The following NSF variants were observed in gnomAD, a reference collection of about 807,000 sequenced individuals.
The protein encoded by NSF is vesicle-fusing ATPase.
In NSF, 14 loss-of-function variants were observed where a neutral mutation model predicts 50.3. The ratio of observed to expected loss-of-function variants is 0.28; its 90% CI spans 0.18 to 0.44. The LOEUF (loss-of-function observed/expected upper bound fraction) is 0.44, where lower values mean the gene tolerates loss of function less well. Among genes scored for constraint, NSF ranks in the 20% least tolerant of loss-of-function variants. NSF has a pLI of 1.00. For missense variants in NSF, 218 were observed against 504.3 expected (o/e 0.43, Z 5.44); for synonymous variants, 109 against 175.7 (o/e 0.62, Z 3.00).
chr17:46,727,885 C>T (rs775773496), intron 16 of NSF, among the ~76,000 whole-genome samples: 15 of 152,226 alleles, frequency 9.9e-5, no homozygotes, highest in Non-Finnish European at 2.1e-4. Context: ...AGCCCTTCCT[C>T]CTCTGGTAGA....
intron 15 of NSF, among the ~76,000 whole-genome samples, chr17:46,724,826 TTTC>T (rs1422296436): frequency 7.2e-5 from 11 of 152,276 alleles, no homozygotes; most frequent in African/African-American, 2.6e-4. Context: ...TAGGCCTTTT[TTTC>T]TTCTTCTTCT....
At position 46,713,929 on chromosome 17, in the gene NSF, T is replaced by C; in HGVS notation, c.1704T>C (p.Cys568=). Residue 568 remains cysteine, a synonymous_variant, in exon 15 of 21, where the codon TGT becomes TGC. Transcript: ENST00000398238. Reference sequence around the variant, plus strand: ...CCAACTTCCCGTTCATCAAGATCTGTTCTCCTGATAAAATGATTGGCTTTT... The same window carrying C: ...CCAACTTCCCGTTCATCAAGATCTGCTCTCCTGATAAAATGATTGGCTTTT... The part of the protein sequence containing the change: ...EESNFPFIKI[C]SPDKMIGFSE... 1 of 1,611,480 alleles carries C rather than the reference T, an allele frequency of 6.2e-7. No homozygotes were observed. Among genetic ancestry groups the C allele is most frequent in the Non-Finnish European group, 8.5e-7 (1 of 1,179,392 alleles).
chr17:46,716,927 A>G (rs553840065), intron 15 of NSF, among the ~76,000 whole-genome samples: 1 of 152,352 alleles, frequency 6.6e-6, no homozygotes, highest in South Asian at 2.1e-4. Context: ...TCTGAACATT[A>G]TTTTAAATTA....
At chr17:46,635,777 ATG>A (rs148930686) in intron 4 of NSF, among the ~76,000 whole-genome samples, 4,286 of 116,754 alleles carry the variant, frequency 0.037, 461 homozygotes, top group African/African-American at 0.13. Context: ...GGGAAAATAA[ATG>A]TGTGTGTGTG....
intron 9 of NSF, among the ~76,000 whole-genome samples, chr17:46,687,637 C>G (rs1206138865): frequency 6.6e-6 from 1 of 151,526 alleles, no homozygotes; most frequent in East Asian, 1.9e-4. Flanking sequence ...GTGCATACTC[C>G]TTTTCATCCT....
In NSF at chr17:46,749,840, A is replaced by G; in HGVS notation, c.1976A>G (p.Asn659Ser). 1 of 1,614,194 alleles carries G rather than the reference A, an allele frequency of 6.2e-7. No homozygotes were observed. ...KDVLQEMEMLNAFSTTIHVPN... is the reference protein window; with the variant it reads ...KDVLQEMEMLSAFSTTIHVPN... ...GTCCTTCAGGAGATGGAAATGCTTA[A>G]CGCTTTCAGCACCACCATCCACGTG... Residue 659 changes from asparagine to serine, a missense_variant, in exon 18 of 21, where the codon AAC becomes AGC. Physicochemically the swap from Asn to Ser is conservative, Grantham distance 46 (BLOSUM62 1). Around this residue, in one of 2 missense-constraint regions of NSF, gnomAD observed 209 missense variants for 320.9 expected, o/e 0.65. Transcript: ENST00000398238.
chr17:46,610,166 A>G (rs1281424756), intron 1 of NSF, among the ~76,000 whole-genome samples: 2 of 90,326 alleles, frequency 2.2e-5, no homozygotes, highest in Non-Finnish European at 4.6e-5. Context: ...GGGTCTCACT[A>G]TATTGCCCAG....
At chr17:46,635,880 G>A (rs1275908759) in intron 4 of NSF, among the ~76,000 whole-genome samples, 1 of 121,348 alleles carries the variant, frequency 8.2e-6, no homozygotes, top group Non-Finnish European at 1.8e-5. Context: ...GCGTAATCAA[G>A]TTGCCCTCCT....
chr17:46,747,067 A>G (rs2059136809), intron 17 of NSF, among the ~76,000 whole-genome samples: 1 of 152,198 alleles, frequency 6.6e-6, no homozygotes, highest in Admixed American at 6.5e-5. Context: ...AAGGACCCCC[A>G]GTAATCAGCC....
intron 14 of NSF, chr17:46,713,164 G>A (rs2058735733): frequency 6.6e-6 from 1 of 152,268 alleles, no homozygotes; most frequent in African/African-American, 2.4e-5. Flanking sequence ...GTATTAAACT[G>A]TCAGATAGAC....
chr17:46,754,192 T>G (rs1467460286), intron 19 of NSF, among the ~76,000 whole-genome samples: 1 of 149,884 alleles, frequency 6.7e-6, no homozygotes, highest in South Asian at 2.1e-4. Context: ...TTGATTCATA[T>G]GTAATTCTAT....
chr17:46,687,430 C>T (rs1429543419), intron 9 of NSF, among the ~76,000 whole-genome samples: 2 of 151,124 alleles, frequency 1.3e-5, no homozygotes, highest in Admixed American at 1.3e-4. Context: ...TGTATCTTTT[C>T]CCTTCTGCAG....
intron 13 of NSF, among the ~76,000 whole-genome samples, chr17:46,710,476 C>CTA (rs2058708528): frequency 1.3e-5 from 2 of 152,208 alleles, no homozygotes; most frequent in Admixed American, 1.3e-4. Context: ...TGCCATTTAA[C>CTA]TATGTCCCCT....
At chr17:46,749,630 C>A in intron 17 of NSF, 143 bp from the exon 18 acceptor site, 1 of 734,172 alleles carries the variant, frequency 1.4e-6, no homozygotes. Context: ...CAGGAAAATC[C>A]TGAATTGTTT....
In NSF at chr17:46,610,041, C is replaced by CTTTCTT. The variant is rs1555666760; in HGVS notation, c.13-14202_13-14201insTTCTTT. Among the ~76,000 whole-genome samples the CTTTCTT allele has an allele frequency of 1.3e-4, 16 of 118,738 alleles. 2 individuals carry two copies. The highest frequency in any genetic ancestry group is 5.3e-4 in the South Asian group (2 of 3,782). The allele number at this position is 118,738 out of a possible 152,430, so 77.9% of individuals were successfully genotyped here. ...TCTTTCTTTCTTTCTCTCTCTCTCT[C>CTTTCTT]TCTTTCTTTCTTTCTTTCTTTCTTT... On this transcript the variant is annotated intron_variant, in intron 1 of 20. Transcript: ENST00000398238.
chr17:46,754,163 T>TC (rs1445985193), intron 19 of NSF, among the ~76,000 whole-genome samples: 1 of 151,430 alleles, frequency 6.6e-6, no homozygotes, highest in Non-Finnish European at 1.5e-5. Context: ...TTTTTTTTTT[T>TC]TTTTTAAGAA....
At chr17:46,724,755 G>A in intron 15 of NSF, among the ~76,000 whole-genome samples, 1 of 152,076 alleles carries the variant, frequency 6.6e-6, no homozygotes, top group Non-Finnish European at 1.5e-5. Context: ...TACATAATAA[G>A]AATTCAAAAA....
chr17:46,727,491 C>T (rs1408429040), intron 16 of NSF, among the ~76,000 whole-genome samples: 2 of 152,222 alleles, frequency 1.3e-5, no homozygotes, highest in Admixed American at 6.5e-5. Flanking sequence ...ATGGTGTAGT[C>T]GTGATTTCAA....
At position 46,676,303 on chromosome 17, in the gene NSF, G is replaced by T. The variant is rs1414048582; in HGVS notation, c.945+1690G>T. Among the ~76,000 whole-genome samples, 61 of 141,442 alleles carry T rather than the reference G, an allele frequency of 4.3e-4. 1 individual carries two copies. Among genetic ancestry groups the T allele is most frequent in the African/African-American group, 1.7e-3 (59 of 35,188 alleles). 92.8% of individuals were successfully genotyped at this position (141,442 alleles called of 152,430 possible). ...GCTGGAGTGCAATGGCGTGATCTCG[G>T]CTCACCACAACCTCCGCCTCCCAGG... On this transcript the variant is annotated intron_variant, in intron 9 of 20. Coordinates refer to ENST00000398238, the MANE Select transcript of NSF (RefSeq NM_006178.4).
Sources: gnomAD v4.1 joint callset for allele counts (sites outside exome capture counted in the v4.1 genomes callset) on GRCh38, gnomAD v4.1.1 for gene constraint, gnomAD v4.1.1 regional missense constraint, MANE v1.5 for transcripts, NCBI Gene and HGNC (gene_info 2026-07-23, HGNC 2026-07-21) for gene names.